The following NCOA3 variants were observed in gnomAD, a reference collection of about 807,000 sequenced individuals.
The protein encoded by NCOA3 is nuclear receptor coactivator 3, also known as CBP-interacting protein.
NCOA3 carries 51 observed loss-of-function variants against 158.8 expected under a neutral mutation model. The ratio of observed to expected loss-of-function variants is 0.32; its 90% CI spans 0.26 to 0.41. The LOEUF (loss-of-function observed/expected upper bound fraction) is 0.41, where lower values mean the gene tolerates loss of function less well. NCOA3 is among the 10% of genes least tolerant of loss of function. The pLI is 1.00. For missense variants in NCOA3, 1,510 were observed against 1,746.6 expected (o/e 0.86, Z 2.41); for synonymous variants, 537 against 592.4 (o/e 0.91, Z 1.36).
At chr20:47,622,413 T>A in intron 3 of NCOA3, 83 bp downstream of exon 3, 2 of 936,628 alleles carry the variant, frequency 2.1e-6, no homozygotes, top group Non-Finnish European at 1.6e-6. Flanking sequence ...GCCATTTACA[T>A]TCTCTGGTTA....
intron 17 of NCOA3, 150 bp from the exon 18 acceptor site, chr20:47,646,923 A>T: frequency 1.5e-6 from 1 of 658,014 alleles, no homozygotes; most frequent in Non-Finnish European, 2.6e-6. Flanking sequence ...ATGTATCCTT[A>T]GCATGTAGAG....
intron 1 of NCOA3, among the ~76,000 whole-genome samples, chr20:47,527,339 T>C (rs563860585): frequency 6.6e-6 from 1 of 152,324 alleles, no homozygotes; most frequent in Admixed American, 6.5e-5. Flanking sequence ...ATAAATCCCA[T>C]GTAATCATAA....
rs939569598 is a variant in NCOA3 at position 47,647,402 on chromosome 20, T to C, written c.3546+36T>C. ...ATGTGTTCTTCCCTCTGGCTTCTCC[T>C]TCTGTTGTTTTCAGACTATGTTTCT... On this transcript the variant is annotated intron_variant, in intron 18 of 22. Coordinates refer to ENST00000371998, the MANE Select transcript of NCOA3 (RefSeq NM_181659.3). 1.9e-6 allele frequency: 3 copies of C among 1,582,380 alleles called. No individual in the cohort carries two copies. The African/African-American group carries it at 4.0e-5, about 21-fold the overall frequency.
At chr20:47,552,512 A>G (rs1028609833) in intron 1 of NCOA3, among the ~76,000 whole-genome samples, 3 of 152,162 alleles carry the variant, frequency 2.0e-5, no homozygotes, top group Admixed American at 6.6e-5. Flanking sequence ...CCTTGTCCAT[A>G]TAAGAACAGG....
chr20:47,537,842 A>C (rs936095429), intron 1 of NCOA3, among the ~76,000 whole-genome samples: 1 of 152,106 alleles, frequency 6.6e-6, no homozygotes, highest in Non-Finnish European at 1.5e-5. Flanking sequence ...TCGGCCTCCC[A>C]AAGTGCTAGG....
At chr20:47,537,021 G>A (rs982315411) in intron 1 of NCOA3, among the ~76,000 whole-genome samples, 1 of 151,552 alleles carries the variant, frequency 6.6e-6, no homozygotes, top group Non-Finnish European at 1.5e-5. Context: ...ATGTTGGTCA[G>A]GCTGGTCTCA....
chr20:47,517,869 A>G (rs1433626667), intron 1 of NCOA3, among the ~76,000 whole-genome samples: 2 of 152,220 alleles, frequency 1.3e-5, no homozygotes, highest in African/African-American at 4.8e-5. Flanking sequence ...CATTTAAATG[A>G]TGTAAAGAAG....
rs1245200532 is a variant in NCOA3 at position 47,633,930 on chromosome 20, T to C, written c.965-118T>C. 7 of 1,308,352 alleles carry C rather than the reference T, an allele frequency of 5.4e-6. No homozygotes were observed. In the Middle Eastern group the frequency reaches 7.7e-4, roughly 144 times the overall value. The allele number at this position is 1,308,352 out of a possible 1,614,324, so 81.0% of individuals were successfully genotyped here. The stretch of plus-strand genomic sequence containing the variant: ...ACCCTGTTGATGATTTTGGTGCAGA[T>C]CCAGTCTTTCCTTGGATTTTTAGAA... On this transcript the variant is annotated intron_variant, in intron 9 of 22. Transcript: ENST00000371998.
Position 47,635,676 on chromosome 20 carries a change from T to A in NCOA3, c.1467T>A (p.Ser489Arg). ...TGATTTCTCCTCGTAATCGTGGGAG[T>A]CCAAAGATAGCCTCACATCAGTTTT... ...NIMISPRNRG[S>R]PKIASHQFSP... Residue 489 changes from serine (S) to arginine (R), a missense_variant, in exon 11 of 23, where the codon AGT (serine) becomes AGA (arginine). Ser to Arg is a moderately radical substitution (Grantham distance 110, BLOSUM62 -1). Around this residue, in one of 4 missense-constraint regions of NCOA3, gnomAD observed 1,017 missense variants for 1,098.3 expected, o/e 0.93. Transcript: ENST00000371998. 6.2e-7 allele frequency: 1 copy of A among 1,614,060 alleles called. No individual in the cohort carries two copies. The highest frequency in any genetic ancestry group is 2.2e-5 in the East Asian group (1 of 44,888).
chr20:47,635,560 C>G lies in NCOA3; in HGVS notation c.1351C>G (p.Pro451Ala). The stretch of plus-strand genomic sequence containing the variant: ...GACCCCTGGGCCAGGCATGCAATCA[C>G]CATCTTCCTACCAGAACAACAACTA... ...SLTPGPGMQSPSSYQNNNYGL... is the reference protein window; with the variant it reads ...SLTPGPGMQSASSYQNNNYGL... Residue 451 changes from proline to alanine, a missense_variant, in exon 11 of 23, where the codon CCA becomes GCA. Pro to Ala is a conservative substitution (Grantham distance 27). This residue lies in a region of NCOA3 where 1,017 missense variants were observed against 1,098.3 expected (regional missense o/e 0.93). Transcript: ENST00000371998. 1.9e-6 allele frequency: 3 copies of G among 1,614,106 alleles called. No homozygotes were observed. The highest frequency in any genetic ancestry group is 2.5e-6 in the Non-Finnish European group (3 of 1,180,028).
chr20:47,634,998 A>G (rs1234255546), intron 10 of NCOA3, among the ~76,000 whole-genome samples: 6 of 146,968 alleles, frequency 4.1e-5, no homozygotes, highest in Non-Finnish European at 8.9e-5. Flanking sequence ...GTGCCATCAC[A>G]GCTCACTGCA....
At chr20:47,625,716 C>T (rs1334368410) in intron 5 of NCOA3, among the ~76,000 whole-genome samples, 2 of 152,018 alleles carry the variant, frequency 1.3e-5, no homozygotes, top group Admixed American at 6.6e-5. Context: ...TGAGGAACCA[C>T]ACATATACAA....
At chr20:47,589,521 G>C (rs562263079) in intron 2 of NCOA3, among the ~76,000 whole-genome samples, 25 of 151,902 alleles carry the variant, frequency 1.6e-4, no homozygotes, top group African/African-American at 5.8e-4. Context: ...GATTACAGGT[G>C]CCCACTACTA....
intron 17 of NCOA3, among the ~76,000 whole-genome samples, chr20:47,643,500 T>A (rs2086642972): frequency 6.6e-6 from 1 of 152,208 alleles, no homozygotes; most frequent in African/African-American, 2.4e-5. Context: ...TCTTTACTTG[T>A]TCAGGCACAC....
chr20:47,644,011 T>C (rs1302388605), intron 17 of NCOA3, among the ~76,000 whole-genome samples: 1 of 152,068 alleles, frequency 6.6e-6, no homozygotes, highest in Admixed American at 6.6e-5. Flanking sequence ...GTGTACTAGA[T>C]ACACTGATAT....
intron 1 of NCOA3, among the ~76,000 whole-genome samples, chr20:47,574,329 G>A (rs2085340132): frequency 6.7e-6 from 1 of 149,722 alleles, no homozygotes; most frequent in Admixed American, 6.6e-5. Flanking sequence ...TAGATTTCCT[G>A]ACTATACCTG....
chr20:47,640,315 C>A (rs1026098039), intron 16 of NCOA3, among the ~76,000 whole-genome samples: 2 of 152,198 alleles, frequency 1.3e-5, no homozygotes, highest in Non-Finnish European at 2.9e-5. Flanking sequence ...CTCTGAGAGC[C>A]TCTCTGTGAG....
intron 2 of NCOA3, among the ~76,000 whole-genome samples, chr20:47,589,323 T>A (rs2085587891): frequency 6.6e-6 from 1 of 152,222 alleles, no homozygotes; most frequent in Admixed American, 6.5e-5. Context: ...AAAGTCTCTT[T>A]CTGGCCTCTA....
chr20:47,653,375 T>TC, intron 22 of NCOA3, 31 bp from the exon 23 acceptor site: 3 of 1,541,986 alleles, frequency 1.9e-6, no homozygotes, highest in Non-Finnish European at 1.7e-6. Flanking sequence ...CTCATTTTTT[T>TC]TTTTTTTTTT....
Sources: allele counts gnomAD v4.1 joint callset (sites outside exome capture counted in the v4.1 genomes callset), GRCh38; gene constraint gnomAD v4.1.1; regional missense constraint gnomAD v4.1.1; transcripts MANE v1.5; gene names NCBI Gene and HGNC (gene_info 2026-07-23, HGNC 2026-07-21).